Variants in MYL9 observed in about 807,000 individuals in gnomAD.
MYL9 encodes myosin light chain 9, also known as myosin regulatory light polypeptide 9.
Under a neutral mutation model 12.8 loss-of-function variants are expected in MYL9, and 7 were observed. The observed-to-expected ratio is 0.55, with a 90% confidence interval of 0.31 to 1.03. The LOEUF (loss-of-function observed/expected upper bound fraction) is 1.03. Among genes scored for constraint, MYL9 ranks in the 50% least tolerant of loss-of-function variants. MYL9 has a pLI of 0.05. For synonymous variants in MYL9, 81 were observed against 87.8 expected, an observed-to-expected ratio of 0.92 and a Z score of 0.43; for missense variants, 190 against 242.7, an observed-to-expected ratio of 0.78 and a Z score of 1.44.
intron 2 of MYL9, among the ~76,000 whole-genome samples, chr20:36,545,496 C>CAA (rs577748904): frequency 4.1e-4 from 31 of 75,342 alleles, no homozygotes; most frequent in African/African-American, 6.7e-4. Flanking sequence ...GACTCCATCT[C>CAA]AAAAAAAAAA....
intron 1 of MYL9, among the ~76,000 whole-genome samples, chr20:36,541,891 G>T (rs370235224): frequency 4.6e-4 from 70 of 152,282 alleles, no homozygotes; most frequent in Admixed American, 7.8e-4. Context: ...CTCCGGGGGG[G>T]GCTGGGGAGC....
At chr20:36,546,961 G>A (rs1600747818) in intron 2 of MYL9, among the ~76,000 whole-genome samples, 1 of 152,200 alleles carries the variant, frequency 6.6e-6, no homozygotes, top group African/African-American at 2.4e-5. Flanking sequence ...GGTGAGAGAA[G>A]GGGCTGGCCT....
chr20:36,546,521 G>A (rs118189602), intron 2 of MYL9, among the ~76,000 whole-genome samples: 4 of 152,234 alleles, frequency 2.6e-5, no homozygotes, highest in Non-Finnish European at 5.9e-5. Flanking sequence ...CGCTGCCCCC[G>A]GCCCTGAGCA....
chr20:36,547,978 C>T (rs996008683), intron 2 of MYL9, 54 bp from the exon 3 acceptor site: 3 of 1,533,124 alleles, frequency 2.0e-6, no homozygotes, highest in African/African-American at 2.8e-5. Flanking sequence ...CAAGTTGTCC[C>T]AGCTGGGGAC....
chr20:36,549,246 C>G lies in MYL9; in HGVS notation c.516C>G (p.Asp172Glu). ...ILKHGAKDKDD is the reference protein window; with the variant it reads ...ILKHGAKDKDE ...AACATGGCGCCAAGGATAAAGACGA[C>G]TAGGCCACCCCAGCCCCCTGACACC... The change falls in exon 4 of 4, where the codon GAC becomes GAG. Residue 172 changes from aspartate (D) to glutamate (E), a missense_variant. Transcript: ENST00000279022. The G allele has an allele frequency of 6.2e-7, 1 of 1,611,938 alleles. No individual in the cohort carries two copies. The highest frequency in any genetic ancestry group is 1.1e-5 in the South Asian group (1 of 90,838).
chr20:36,546,391 G>T (rs1397450776), intron 2 of MYL9, among the ~76,000 whole-genome samples: 2 of 152,188 alleles, frequency 1.3e-5, no homozygotes, highest in East Asian at 3.9e-4. Flanking sequence ...CAGAGAGTCA[G>T]TCCCTGGTAG....
At chr20:36,545,514 CAG>C (rs1292990120) in intron 2 of MYL9, among the ~76,000 whole-genome samples, 13 of 137,316 alleles carry the variant, frequency 9.5e-5, no homozygotes, top group African/African-American at 3.3e-4. Flanking sequence ...AAAAAAAAAA[CAG>C]GGAAACTGAA....
chr20:36,548,843 C>T (rs1200699048), intron 3 of MYL9, among the ~76,000 whole-genome samples: 2 of 152,160 alleles, frequency 1.3e-5, no homozygotes, highest in Admixed American at 6.5e-5. Flanking sequence ...AGTCCCACTG[C>T]ACAACTCCTC....
In MYL9 at chr20:36,549,128, G is replaced by A. The variant is rs775462736; in HGVS notation, c.398G>A (p.Arg133His). Residue 133 changes from arginine (R) to histidine (H), a missense_variant, in exon 4 of 4, where the codon CGC becomes CAC. Physicochemically the swap from Arg to His is conservative, Grantham distance 29. Transcript: ENST00000279022. Reference protein sequence around the residue: ...LRELLTTMGDRFTDEEVDEMY... With the variant: ...LRELLTTMGDHFTDEEVDEMY... ...GAGCTGCTCACCACCATGGGTGACC[G>A]CTTCACAGATGAGGAAGTGGACGAG... 4.8e-5 allele frequency: 78 copies of A among 1,613,566 alleles called. No individual in the cohort carries two copies. The highest frequency in any genetic ancestry group is 3.5e-4 in the South Asian group (32 of 91,054).
intron 2 of MYL9, among the ~76,000 whole-genome samples, chr20:36,545,292 T>G (rs896241557): frequency 6.6e-6 from 1 of 151,386 alleles, no homozygotes; most frequent in Non-Finnish European, 1.5e-5. Flanking sequence ...GGTCAGGAGA[T>G]CGAGACCATC....
chr20:36,541,764 G>C (rs1210074970), intron 1 of MYL9, among the ~76,000 whole-genome samples: 2 of 152,236 alleles, frequency 1.3e-5, no homozygotes, highest in Non-Finnish European at 2.9e-5. Context: ...CTCTGGCCAG[G>C]GGCCGGGCAG....
intron 2 of MYL9, among the ~76,000 whole-genome samples, chr20:36,546,840 GC>G (rs2038106684): frequency 6.6e-6 from 1 of 152,100 alleles, no homozygotes; most frequent in Non-Finnish European, 1.5e-5. Flanking sequence ...AAACTCCAGA[GC>G]CCATCTTGGC....
At chr20:36,543,554 C>G (rs1455690431) in intron 1 of MYL9, among the ~76,000 whole-genome samples, 4 of 152,202 alleles carry the variant, frequency 2.6e-5, no homozygotes, top group Non-Finnish European at 5.9e-5. Flanking sequence ...CGCATATCCC[C>G]ACAAGCTGTG....
Position 36,550,152 on chromosome 20 carries a change from G to A in MYL9, c.*903G>A, listed in dbSNP as rs1170029901. 1 of 152,666 alleles carries A rather than the reference G, an allele frequency of 6.6e-6. No individual in the cohort carries two copies. The highest frequency in any genetic ancestry group is 1.9e-4 in the East Asian group (1 of 5,196). The allele number at this position is 152,666 out of a possible 1,614,324, so 9.5% of individuals were successfully genotyped here. On this transcript the variant is annotated 3_prime_UTR_variant, in exon 4 of 4. Transcript: ENST00000279022. ...GTTCCAGGCCTCTTGGGGGGCAGAG[G>A]TCAGGCCACACAGCCCTCAGGACTA...
intron 1 of MYL9, 66 bp from the exon 2 acceptor site, chr20:36,544,793 G>A (rs1416770710): frequency 1.4e-6 from 2 of 1,397,466 alleles, no homozygotes; most frequent in Non-Finnish European, 2.0e-6. Flanking sequence ...AAGCCAGTCT[G>A]GGGGAGGCAG....
chr20:36,542,513 G>A (rs935547156), intron 1 of MYL9, among the ~76,000 whole-genome samples: 4 of 152,158 alleles, frequency 2.6e-5, no homozygotes, highest in Non-Finnish European at 5.9e-5. Flanking sequence ...CCCCACCCAT[G>A]CCTGCCCCTC....
At chr20:36,545,806 G>C (rs1268337944) in intron 2 of MYL9, among the ~76,000 whole-genome samples, 2 of 152,052 alleles carry the variant, frequency 1.3e-5, no homozygotes, top group African/African-American at 2.4e-5. Context: ...GCGGGCGCCA[G>C]CTACTCGGGA....
chr20:36,548,983 G>A, intron 3 of MYL9, 94 bp from the exon 4 acceptor site: 1 of 1,277,518 alleles, frequency 7.8e-7, no homozygotes, highest in Non-Finnish European at 1.1e-6. Flanking sequence ...AGCCCCTCTA[G>A]GTCTGCAAGA....
chr20:36,548,343 G>C, intron 3 of MYL9, 150 bp downstream of exon 3: 1 of 1,119,174 alleles, frequency 8.9e-7, no homozygotes. Flanking sequence ...CCTTATTGTC[G>C]CCGCAAAGGC....
Sources: allele counts gnomAD v4.1 joint callset (sites outside exome capture counted in the v4.1 genomes callset), GRCh38; gene constraint gnomAD v4.1.1; transcripts MANE v1.5; gene names NCBI Gene and HGNC (gene_info 2026-07-23, HGNC 2026-07-21).